Variants in ZNF107 observed in about 807,000 individuals in gnomAD.
ZNF107 encodes the protein zinc finger protein 107.
ZNF107 carries 19 observed loss-of-function variants against 12.3 expected under a neutral mutation model. The ratio of observed to expected loss-of-function variants is 1.55; its 90% CI spans 1.08 to 2.27. ZNF107 has a LOEUF of 2.27. ZNF107 is among the 30% of genes most tolerant of loss of function. The pLI, the probability that ZNF107 is intolerant of heterozygous loss-of-function variation, is 0.00. For synonymous variants in ZNF107, 317 were observed against 330.5 expected (o/e 0.96, Z 0.44); for missense variants, 958 against 979.9 (o/e 0.98, Z 0.30).
intron 1 of ZNF107, 66 bp downstream of exon 1, chr7:64,666,351 C>A: frequency 6.3e-7 from 1 of 1,581,274 alleles, no homozygotes; most frequent in Non-Finnish European, 8.6e-7. Context: ...TCGGAAGTGG[C>A]TGTGGCTGGA....
At chr7:64,697,555 T>C (rs1790333519) in intron 3 of ZNF107, among the ~76,000 whole-genome samples, 1 of 152,258 alleles carries the variant, frequency 6.6e-6, no homozygotes, top group African/African-American at 2.4e-5. Context: ...TTTTGGCTTT[T>C]GTGAATACTG....
chr7:64,700,368 A>G (rs532312928), intron 3 of ZNF107, among the ~76,000 whole-genome samples: 3 of 152,190 alleles, frequency 2.0e-5, no homozygotes, highest in South Asian at 2.1e-4. Context: ...TCCTCTGTCT[A>G]TTACCATGTG....
chr7:64,701,347 C>T (rs527794835), intron 3 of ZNF107, among the ~76,000 whole-genome samples: 5 of 152,142 alleles, frequency 3.3e-5, no homozygotes, highest in African/African-American at 1.2e-4. Flanking sequence ...ACTGCAACCC[C>T]TGCCTCCCAG....
At chr7:64,691,795 C>A in intron 2 of ZNF107, 70 bp from the exon 3 acceptor site, 1 of 816,512 alleles carries the variant, frequency 1.2e-6, no homozygotes, top group Non-Finnish European at 1.7e-6. Flanking sequence ...CTTTACTGAG[C>A]ACCTTACTGG....
intron 1 of ZNF107, among the ~76,000 whole-genome samples, chr7:64,671,032 T>G (rs1315614372): frequency 6.6e-6 from 1 of 152,116 alleles, no homozygotes; most frequent in African/African-American, 2.4e-5. Context: ...ATGTGTTAGT[T>G]TTGGAGAATT....
Position 64,708,956 on chromosome 7 carries a change from G to A in ZNF107, c.*300G>A. 2.1e-6 allele frequency: 1 copy of A among 477,590 alleles called. No individual in the cohort carries two copies. The allele number at this position is 477,590 out of a possible 1,614,324, so 29.6% of individuals were successfully genotyped here. ...ATAAGGTAATTCATACTGGAGAAAA[G>A]CCATACAAATGAGAAGAATGTGGCA... On this transcript the variant is annotated 3_prime_UTR_variant, in exon 4 of 4. Coordinates refer to ENST00000620827, the MANE Select transcript of ZNF107 (RefSeq NM_001282359.2).
At chr7:64,681,290 T>A in intron 1 of ZNF107, among the ~76,000 whole-genome samples, 1 of 152,096 alleles carries the variant, frequency 6.6e-6, no homozygotes, top group East Asian at 1.9e-4. Context: ...TTCAGGGACC[T>A]GTCTCCCTAG....
chr7:64,686,800 A>T (rs1789934107), intron 1 of ZNF107: 16 of 875,888 alleles, frequency 1.8e-5, no homozygotes, highest in Non-Finnish European at 2.1e-5. Flanking sequence ...CCCTGTAAAG[A>T]CTGCTCTCCC....
Position 64,670,059 on chromosome 7 carries a change from G to A in ZNF107, c.3+3774G>A, listed in dbSNP as rs189105785. ...GAGAAGCTACAGAGCCCTGGACGTCGGGGGACCCACAGGCAGATGCAGTTA... is the reference window on the plus strand; with the variant it reads ...GAGAAGCTACAGAGCCCTGGACGTCAGGGGACCCACAGGCAGATGCAGTTA... On this transcript the variant is annotated intron_variant, in intron 1 of 3. Transcript: ENST00000620827. 1.8e-4 allele frequency among the ~76,000 whole-genome samples: 28 copies of A among 152,272 alleles called. 1 individual carries two copies. In the East Asian group the frequency reaches 4.8e-3, roughly 26 times the overall value.
At chr7:64,689,020 A>G (rs528558963) in intron 1 of ZNF107, among the ~76,000 whole-genome samples, 2 of 152,286 alleles carry the variant, frequency 1.3e-5, no homozygotes, top group South Asian at 4.1e-4. Context: ...CAAAGTGTAG[A>G]TTCCTGGCAA....
At chr7:64,685,416 TAAC>T (rs113233961) in intron 1 of ZNF107, among the ~76,000 whole-genome samples, 2,459 of 152,208 alleles carry the variant, frequency 0.016, 70 homozygotes, top group African/African-American at 0.057. Flanking sequence ...CCTCTCTGCT[TAAC>T]AAACAATCCG....
Position 64,708,012 on chromosome 7 carries a change from C to A in ZNF107, c.1915C>A (p.Gln639Lys), listed in dbSNP as rs918208580. The change falls in exon 4 of 4, where the codon CAA (glutamine) becomes AAA (lysine). Residue 639 changes from glutamine to lysine, a missense_variant. By Grantham distance (53) the Gln-to-Lys change is moderately conservative. Coordinates refer to ENST00000620827, the MANE Select transcript of ZNF107 (RefSeq NM_001282359.2). Reference protein sequence around the residue: ...VFNQSSNLTTQKIIHTGENLY... With the variant: ...VFNQSSNLTTKKIIHTGENLY... ...TAACCAGTCCTCAAACCTTACTACA[C>A]AAAAGATAATTCATACTGGAGAGAA... The A allele has an allele frequency of 6.2e-7, 1 of 1,613,144 alleles. No individual in the cohort carries two copies. Among genetic ancestry groups the A allele is most frequent in the Non-Finnish European group, 8.5e-7 (1 of 1,179,612 alleles).
chr7:64,691,403 A>C, intron 2 of ZNF107, 29 bp downstream of exon 2: 2 of 1,398,106 alleles, frequency 1.4e-6, no homozygotes, highest in Non-Finnish European at 1.9e-6. Context: ...CACAATTCCC[A>C]AAATACCCTT....
At chr7:64,704,306 C>T (rs146359731) in intron 3 of ZNF107, among the ~76,000 whole-genome samples, 16 of 152,168 alleles carry the variant, frequency 1.1e-4, no homozygotes, top group African/African-American at 3.4e-4. Flanking sequence ...AGTGCAGTGG[C>T]GCGATCTTGG....
chr7:64,687,963 C>T (rs1039152241), intron 1 of ZNF107, among the ~76,000 whole-genome samples: 1 of 152,164 alleles, frequency 6.6e-6, no homozygotes, highest in Non-Finnish European at 1.5e-5. Context: ...GAGGCTTTTC[C>T]TTTCAGGCTT....
At chr7:64,693,858 G>A (rs1300461249) in intron 3 of ZNF107, among the ~76,000 whole-genome samples, 2 of 151,962 alleles carry the variant, frequency 1.3e-5, no homozygotes, top group African/African-American at 2.4e-5. Context: ...GCGTGATGTC[G>A]GCTCACTGCA....
At chr7:64,700,746 G>T (rs1299305401) in intron 3 of ZNF107, among the ~76,000 whole-genome samples, 1 of 151,576 alleles carries the variant, frequency 6.6e-6, no homozygotes, top group Non-Finnish European at 1.5e-5. Context: ...TGCCATGTTG[G>T]CCAGGCTGGT....
chr7:64,707,898 G>A lies in ZNF107; in HGVS notation c.1801G>A (p.Ala601Thr). 1 of 1,613,632 alleles carries A rather than the reference G, an allele frequency of 6.2e-7. No homozygotes were observed. The highest frequency in any genetic ancestry group is 8.5e-7 in the Non-Finnish European group (1 of 1,179,764). ...CAACAAATGTGAAGAATTTGGCAAG[G>A]CCTTTAAACAGTCCTCACACCGTAC... Reference protein sequence around the residue: ...KLNKCEEFGKAFKQSSHRTIH... With the variant: ...KLNKCEEFGKTFKQSSHRTIH... Residue 601 changes from alanine (A) to threonine (T), a missense_variant, in exon 4 of 4, where the codon GCC (alanine) becomes ACC (threonine). Coordinates refer to ENST00000620827, the MANE Select transcript of ZNF107 (RefSeq NM_001282359.2).
chr7:64,705,768 A>G (rs1303016659), intron 3 of ZNF107, among the ~76,000 whole-genome samples: 2 of 150,758 alleles, frequency 1.3e-5, no homozygotes, highest in Non-Finnish European at 2.9e-5. Context: ...ACTTGCTACA[A>G]CTGTTACCTG....
Sources: allele counts gnomAD v4.1 joint callset (sites outside exome capture counted in the v4.1 genomes callset), GRCh38; gene constraint gnomAD v4.1.1; transcripts MANE v1.5; gene names NCBI Gene and HGNC (gene_info 2026-07-23, HGNC 2026-07-21).